Variants in ADGRV1 observed in about 807,000 individuals in gnomAD.
ADGRV1 encodes the protein G-protein coupled receptor 98.
In ADGRV1, 359 loss-of-function variants were observed where a neutral mutation model predicts 596.2. That is an observed-to-expected ratio of 0.60 (90% confidence interval 0.55 to 0.66). The LOEUF (loss-of-function observed/expected upper bound fraction) is 0.66, where lower values mean the gene tolerates loss of function less well. Ranked by LOEUF, ADGRV1 falls within the 30% of genes least tolerant of loss-of-function variation. The pLI is 0.00. For missense variants in ADGRV1, 7,274 were observed against 7,575.6 expected (o/e 0.96, Z 1.48); for synonymous variants, 2,681 against 2,679.2 (o/e 1.00, Z -0.02).
chr5:90,596,509 T>G (rs1362199256), intron 1 of ADGRV1, among the ~76,000 whole-genome samples: 1 of 152,088 alleles, frequency 6.6e-6, no homozygotes, highest in Non-Finnish European at 1.5e-5. Flanking sequence ...CATTGAGCAC[T>G]GAGTGAACCA....
intron 9 of ADGRV1, among the ~76,000 whole-genome samples, chr5:90,634,086 A>G (rs2366772): frequency 0.37 from 56,469 of 152,058 alleles, 11,589 homozygotes; most frequent in Admixed American, 0.54. Context: ...TATTAAGTTA[A>G]AAGTTGCATT....
At chr5:90,935,576 A>T (rs1775609891) in intron 83 of ADGRV1, among the ~76,000 whole-genome samples, 2 of 152,208 alleles carry the variant, frequency 1.3e-5, no homozygotes, top group South Asian at 4.1e-4. Flanking sequence ...ACAGAAAAAA[A>T]CCTGTAAAAA....
chr5:91,023,325 G>T lies in ADGRV1; in HGVS notation c.18152+37803G>T, dbSNP rs73771164. Among the ~76,000 whole-genome samples the T allele has an allele frequency of 4.5e-3, 684 of 152,186 alleles. 9 individuals carry two copies. The highest frequency in any genetic ancestry group is 0.015 in the African/African-American group (631 of 41,534). ...GCAGCTATTCACAAGGTGAGTTAGG[G>T]GTAAGATACCAGAGCCCAGGTGAAA... On this transcript the variant is annotated intron_variant, in intron 85 of 89. Transcript: ENST00000405460.
At chr5:90,984,278 A>C (rs1489815894) in intron 84 of ADGRV1, among the ~76,000 whole-genome samples, 2 of 152,196 alleles carry the variant, frequency 1.3e-5, no homozygotes, top group African/African-American at 4.8e-5. Context: ...AAAATTGAGA[A>C]GGAGGATTTA....
At chr5:90,764,807 G>T (rs1421186756) in intron 59 of ADGRV1, among the ~76,000 whole-genome samples, 1 of 152,164 alleles carries the variant, frequency 6.6e-6, no homozygotes, top group Non-Finnish European at 1.5e-5. Flanking sequence ...GGCACTATGG[G>T]TACACAACCA....
At chr5:91,132,505 A>G (rs1794299366) in intron 87 of ADGRV1, among the ~76,000 whole-genome samples, 1 of 152,250 alleles carries the variant, frequency 6.6e-6, no homozygotes, top group Non-Finnish European at 1.5e-5. Context: ...AGAATGCATA[A>G]AATCACAGAG....
chr5:90,573,905 G>A (rs922961381), intron 1 of ADGRV1, among the ~76,000 whole-genome samples: 1 of 152,162 alleles, frequency 6.6e-6, no homozygotes, highest in Non-Finnish European at 1.5e-5. Flanking sequence ...ATTGAATAGA[G>A]AGTCTTTTCC....
intron 1 of ADGRV1, among the ~76,000 whole-genome samples, chr5:90,589,154 C>T (rs768522296): frequency 6.6e-6 from 1 of 152,058 alleles, no homozygotes; most frequent in Non-Finnish European, 1.5e-5. Context: ...GGTGGTATAA[C>T]TTCAAAGTGT....
intron 56 of ADGRV1, 136 bp from the exon 57 acceptor site, chr5:90,756,843 C>A: frequency 1.3e-6 from 1 of 773,244 alleles, no homozygotes; most frequent in Non-Finnish European, 2.0e-6. Context: ...ACCTTTTATG[C>A]ATACTTATAT....
Position 90,805,310 on chromosome 5 carries a change from A to G in ADGRV1, c.14688A>G (p.Gln4896=), listed in dbSNP as rs1403375092. 12 of 1,612,548 alleles carry G rather than the reference A, an allele frequency of 7.4e-6. No homozygotes were observed. The highest frequency in any genetic ancestry group is 1.7e-5 in the Admixed American group (1 of 60,012). Residue 4896 remains glutamine (Q), a synonymous_variant, in exon 72 of 90, where the codon CAA becomes CAG. Transcript: ENST00000405460. ...SQVGFESTAF[Q]LMNITAGTSH... is the part of the protein sequence containing the mutation. Reference sequence around the variant, plus strand: ...TCGGATTTGAATCCACTGCTTTTCAACTCATGAACATCACTGCTGGCACAA... The same window carrying G: ...TCGGATTTGAATCCACTGCTTTTCAGCTCATGAACATCACTGCTGGCACAA...
intron 83 of ADGRV1, among the ~76,000 whole-genome samples, chr5:90,912,204 A>G (rs1772948452): frequency 6.6e-6 from 1 of 152,028 alleles, no homozygotes; most frequent in Non-Finnish European, 1.5e-5. Context: ...TCTCAAAAAG[A>G]CCAGTGGTGA....
rs11407284 is a variant in ADGRV1, at chr5:90,916,631, A to ATTTTTTT, written c.17857-48771_17857-48765dup. ...TTCCTTGTTTCTTCAGCGTTCACAA[A>ATTTTTTT]TTTTTTTTTTTTTTTTTTTGAGACG... On this transcript the variant is annotated intron_variant, in intron 83 of 89. Transcript: ENST00000405460. Among the ~76,000 whole-genome samples, 356 of 124,634 alleles carry ATTTTTTT rather than the reference A, an allele frequency of 2.9e-3. 5 individuals are homozygous for ATTTTTTT. Among genetic ancestry groups the ATTTTTTT allele is most frequent in the Non-Finnish European group, 4.3e-3 (267 of 62,162 alleles). 81.8% of individuals were successfully genotyped at this position (124,634 alleles called of 152,430 possible).
intron 87 of ADGRV1, among the ~76,000 whole-genome samples, chr5:91,112,101 G>C (rs1458346478): frequency 6.6e-6 from 1 of 152,150 alleles, no homozygotes; most frequent in African/African-American, 2.4e-5. Context: ...TTAGCCTGTT[G>C]ATTGACCAGG....
At chr5:90,753,306 G>T (rs1755468579) in intron 53 of ADGRV1, among the ~76,000 whole-genome samples, 1 of 151,832 alleles carries the variant, frequency 6.6e-6, no homozygotes, top group Non-Finnish European at 1.5e-5. Context: ...CTTTATCTTA[G>T]AATGGAATTC....
At chr5:90,589,911 A>T (rs1405724324) in intron 1 of ADGRV1, among the ~76,000 whole-genome samples, 1 of 152,122 alleles carries the variant, frequency 6.6e-6, no homozygotes, top group East Asian at 1.9e-4. Flanking sequence ...CTAAAGGTTG[A>T]CCACTGTTCT....
At chr5:90,842,481 G>T (rs1438179057) in intron 78 of ADGRV1, among the ~76,000 whole-genome samples, 2 of 152,162 alleles carry the variant, frequency 1.3e-5, no homozygotes, top group Non-Finnish European at 2.9e-5. Flanking sequence ...GGGATTGGGA[G>T]GCGGAGGCAG....
chr5:90,730,516 T>A (rs961459757), intron 50 of ADGRV1, among the ~76,000 whole-genome samples: 1 of 152,218 alleles, frequency 6.6e-6, no homozygotes, highest in Non-Finnish European at 1.5e-5. Context: ...CCCAACCTCC[T>A]CCACAGTCTG....
At chr5:90,836,258 T>G (rs758855506) in intron 77 of ADGRV1, among the ~76,000 whole-genome samples, 2 of 152,196 alleles carry the variant, frequency 1.3e-5, no homozygotes, top group Non-Finnish European at 2.9e-5. Flanking sequence ...TGAAAACTTA[T>G]GTTCACACAA....
chr5:90,651,951 C>T (rs1022501893), intron 18 of ADGRV1, among the ~76,000 whole-genome samples: 5 of 150,734 alleles, frequency 3.3e-5, no homozygotes, highest in Admixed American at 6.6e-5. Context: ...CTCCCCACCC[C>T]CCTCGTTCAA....
Sources: gnomAD v4.1 joint callset for allele counts (sites outside exome capture counted in the v4.1 genomes callset) on GRCh38, gnomAD v4.1.1 for gene constraint, MANE v1.5 for transcripts, NCBI Gene and HGNC (gene_info 2026-07-23, HGNC 2026-07-21) for gene names.